FRMD4A: variants seen among roughly 807,000 people sequenced by gnomAD.
FRMD4A encodes FERM domain containing 4A, also known as FERM domain-containing protein 4A.
Under a neutral mutation model 129.1 loss-of-function variants are expected in FRMD4A, and 29 were observed. That is an observed-to-expected ratio of 0.22 (90% CI 0.17 to 0.31). FRMD4A has a LOEUF of 0.31. Ranked by LOEUF, FRMD4A falls within the 10% of genes least tolerant of loss-of-function variation. The pLI, the probability that FRMD4A is intolerant of heterozygous loss-of-function variation, is 1.00. For missense variants in FRMD4A, 1,272 were observed against 1,375.8 expected (o/e 0.92, Z 1.19); for synonymous variants, 634 against 571.6 (o/e 1.11, Z -1.56).
chr10:14,117,728 A>G lies in FRMD4A; in HGVS notation c.45+212330T>C, dbSNP rs1838272747. ...AAGAGCTGGCTACGTTCATTCATTC[A>G]GTCAATATTTCTTGTGTACCTGTCA... On this transcript the variant is annotated intron_variant, in intron 2 of 24. Coordinates refer to ENST00000357447, the MANE Select transcript of FRMD4A (RefSeq NM_018027.5). Among the ~76,000 whole-genome samples, 3 of 152,216 alleles carry G rather than the reference A, an allele frequency of 2.0e-5. No homozygotes were observed. The South Asian group carries it at 6.2e-4, about 32-fold the overall frequency.
chr10:14,041,539 G>A (rs1291395782), intron 2 of FRMD4A, among the ~76,000 whole-genome samples: 1 of 152,170 alleles, frequency 6.6e-6, no homozygotes, highest in Non-Finnish European at 1.5e-5. Flanking sequence ...TTACAAATAA[G>A]TTCTGCGTCT....
chr10:13,778,610 TG>T, intron 6 of FRMD4A, among the ~76,000 whole-genome samples: 1 of 146,578 alleles, frequency 6.8e-6, no homozygotes, highest in African/African-American at 2.5e-5. Flanking sequence ...TGTGTGTGTG[TG>T]TGTGTGTGTG....
chr10:14,201,600 G>A (rs1349389866), intron 2 of FRMD4A, among the ~76,000 whole-genome samples: 2 of 152,258 alleles, frequency 1.3e-5, no homozygotes, highest in African/African-American at 2.4e-5. Context: ...GCAAATAAAA[G>A]TGTGGTCTGA....
intron 2 of FRMD4A, among the ~76,000 whole-genome samples, chr10:13,938,310 C>T (rs867970422): frequency 2.6e-5 from 4 of 152,060 alleles, no homozygotes; most frequent in East Asian, 3.8e-4. Flanking sequence ...GGCATGATCT[C>T]GGCTCACTGA....
chr10:14,268,021 C>A (rs773344789), intron 2 of FRMD4A, among the ~76,000 whole-genome samples: 1 of 152,070 alleles, frequency 6.6e-6, no homozygotes, highest in Non-Finnish European at 1.5e-5. Flanking sequence ...TAATACGCCA[C>A]CTATTTCATG....
chr10:14,242,664 A>G (rs919726932), intron 2 of FRMD4A, among the ~76,000 whole-genome samples: 1 of 152,230 alleles, frequency 6.6e-6, no homozygotes. Flanking sequence ...TTAAGTCACG[A>G]TAGATGGAAC....
chr10:13,888,606 TAC>T (rs1174110104), intron 2 of FRMD4A, among the ~76,000 whole-genome samples: 1 of 152,222 alleles, frequency 6.6e-6, no homozygotes, highest in East Asian at 1.9e-4. Context: ...AGAAGATCAT[TAC>T]CCTATTGCTT....
intron 2 of FRMD4A, among the ~76,000 whole-genome samples, chr10:13,901,110 G>A (rs965012026): frequency 1.3e-5 from 2 of 152,126 alleles, no homozygotes; most frequent in Non-Finnish European, 2.9e-5. Context: ...ACGAGAAGTC[G>A]GCCACTGCCA....
At chr10:14,012,693 A>T (rs1428465421) in intron 2 of FRMD4A, among the ~76,000 whole-genome samples, 1 of 152,112 alleles carries the variant, frequency 6.6e-6, no homozygotes, top group East Asian at 1.9e-4. Flanking sequence ...TGATCTCCTG[A>T]TGGAATCCTG....
At chr10:13,650,549 G>A (rs1025709841) in intron 24 of FRMD4A, among the ~76,000 whole-genome samples, 11 of 152,068 alleles carry the variant, frequency 7.2e-5, no homozygotes, top group African/African-American at 2.4e-4. Context: ...GCAGATGATC[G>A]CCCTCCCATA....
At chr10:13,684,629 A>T in intron 15 of FRMD4A, 1 of 985,424 alleles carries the variant, frequency 1.0e-6, no homozygotes, top group Non-Finnish European at 1.2e-6. Context: ...TGGGCGACTC[A>T]GCACCGGATA....
At chr10:13,793,584 C>G (rs2093050079) in intron 5 of FRMD4A, among the ~76,000 whole-genome samples, 1 of 152,146 alleles carries the variant, frequency 6.6e-6, no homozygotes, top group Non-Finnish European at 1.5e-5. Context: ...TTTGAGGAAT[C>G]TGGGAGTCAG....
Position 13,817,817 on chromosome 10 carries a change from C to T in FRMD4A, c.112-6909G>A, listed in dbSNP as rs115864667. On this transcript the variant is annotated intron_variant, in intron 3 of 24. Coordinates refer to ENST00000357447, the MANE Select transcript of FRMD4A (RefSeq NM_018027.5). ...AGCAGCATGAGAACAGACTAATACA[C>T]ACACCCACATGACAACATCCTTTCA... 1.9e-3 allele frequency among the ~76,000 whole-genome samples: 290 copies of T among 152,282 alleles called. 1 individual carries two copies. The highest frequency in any genetic ancestry group is 6.4e-3 in the African/African-American group (266 of 41,568).
intron 2 of FRMD4A, among the ~76,000 whole-genome samples, chr10:13,918,357 C>G (rs944055458): frequency 6.6e-6 from 1 of 152,168 alleles, no homozygotes; most frequent in African/African-American, 2.4e-5. Flanking sequence ...ATATTATGAA[C>G]AAGCAGTAAA....
At chr10:13,682,619 G>A (rs2084710474) in intron 15 of FRMD4A, among the ~76,000 whole-genome samples, 1 of 149,490 alleles carries the variant, frequency 6.7e-6, no homozygotes, top group Non-Finnish European at 1.5e-5. Flanking sequence ...TCCTGCCTCA[G>A]CCTCCTGAAT....
chr10:14,220,812 T>TTG (rs60118766), intron 2 of FRMD4A, among the ~76,000 whole-genome samples: 9,023 of 45,266 alleles, frequency 0.2, 1,055 homozygotes, highest in African/African-American at 0.36. Flanking sequence ...GTGTGTGTGT[T>TTG]TGTGTGTGTG....
intron 6 of FRMD4A, among the ~76,000 whole-genome samples, chr10:13,763,114 T>C (rs1432144057): frequency 6.6e-6 from 1 of 152,214 alleles, no homozygotes; most frequent in Non-Finnish European, 1.5e-5. Flanking sequence ...ACATCGTTTT[T>C]ACTGCTCTTA....
At chr10:13,685,129 G>A (rs778018863) in intron 15 of FRMD4A, 9 of 984,578 alleles carry the variant, frequency 9.1e-6, no homozygotes, top group Non-Finnish European at 1.1e-5. Context: ...CTGTTATAGA[G>A]AATTAGATGT....
chr10:14,112,142 G>T (rs1179884932), intron 2 of FRMD4A, among the ~76,000 whole-genome samples: 1 of 152,188 alleles, frequency 6.6e-6, no homozygotes, highest in Non-Finnish European at 1.5e-5. Flanking sequence ...AGACTCATTT[G>T]TCAGAAGGAA....
Sources: gnomAD v4.1 joint callset for allele counts (sites outside exome capture counted in the v4.1 genomes callset) on GRCh38, gnomAD v4.1.1 for gene constraint, MANE v1.5 for transcripts, NCBI Gene and HGNC (gene_info 2026-07-23, HGNC 2026-07-21) for gene names.